DENND4A: variants seen among roughly 807,000 people sequenced by gnomAD.
DENND4A encodes the protein DENN domain containing 4A.
In DENND4A, 70 loss-of-function variants were observed where a neutral mutation model predicts 199.3. The ratio of observed to expected loss-of-function variants is 0.35; its 90% CI spans 0.29 to 0.43. DENND4A has a LOEUF of 0.43. DENND4A is among the 20% of genes least tolerant of loss of function. DENND4A has a pLI of 1.00. For missense variants in DENND4A, 1,723 were observed against 2,255.8 expected (o/e 0.76, Z 4.78); for synonymous variants, 686 against 766.9 (o/e 0.89, Z 1.74).
At chr15:65,703,679 A>T (rs2074948741) in intron 15 of DENND4A, among the ~76,000 whole-genome samples, 1 of 152,238 alleles carries the variant, frequency 6.6e-6, no homozygotes, top group Non-Finnish European at 1.5e-5. Context: ...CAAAGCTAGC[A>T]GCTAGGCTGG....
intron 23 of DENND4A, among the ~76,000 whole-genome samples, chr15:65,688,072 G>A (rs550177755): frequency 6.6e-6 from 1 of 151,988 alleles, no homozygotes; most frequent in South Asian, 2.1e-4. Context: ...AGTCCCTGAG[G>A]CTGTTTATTT....
At chr15:65,684,717 C>T (rs559017962) in intron 23 of DENND4A, among the ~76,000 whole-genome samples, 3 of 151,936 alleles carry the variant, frequency 2.0e-5, no homozygotes, top group African/African-American at 7.2e-5. Flanking sequence ...TAATGCCTAA[C>T]TTATCAATTT....
At chr15:65,733,581 T>C (rs1431646588) in intron 7 of DENND4A, among the ~76,000 whole-genome samples, 4 of 152,172 alleles carry the variant, frequency 2.6e-5, no homozygotes, top group Non-Finnish European at 5.9e-5. Flanking sequence ...CTGTTTACTA[T>C]ATAAAAACAC....
rs757136352 is a variant in DENND4A at position 65,691,426 on chromosome 15, T to A, written c.3168A>T (p.Arg1056Ser). The A allele has an allele frequency of 3.4e-5, 55 of 1,613,450 alleles. No homozygotes were observed. The highest frequency in any genetic ancestry group is 4.4e-5 in the Non-Finnish European group (52 of 1,179,716). ...RNIQSRCFRK[R>S]HKSDNETNLQ... Reference sequence around the variant, plus strand: ...AATTAGTTTCATTGTCACTTTTATGTCTTTTCCTGAAGCATCTACTTTGAA... The same window carrying A: ...AATTAGTTTCATTGTCACTTTTATGACTTTTCCTGAAGCATCTACTTTGAA... Residue 1056 changes from arginine (R) to serine (S), a missense_variant, in exon 23 of 33, where the codon AGA (arginine) becomes AGT (serine). Transcript: ENST00000443035.
At chr15:65,706,277 G>T in intron 14 of DENND4A, 53 bp from the exon 15 acceptor site, 1 of 1,418,138 alleles carries the variant, frequency 7.1e-7, no homozygotes, top group Middle Eastern at 2.2e-4. Flanking sequence ...TTAGCCAAGT[G>T]TTCATATAAA....
At chr15:65,701,671 G>T in intron 18 of DENND4A, 91 bp downstream of exon 18, 1 of 1,196,188 alleles carries the variant, frequency 8.4e-7, no homozygotes, top group Non-Finnish European at 1.2e-6. Flanking sequence ...TAAAATAAAT[G>T]CCAAATAACC....
At chr15:65,733,044 A>T (rs2076007814) in intron 7 of DENND4A, among the ~76,000 whole-genome samples, 1 of 152,186 alleles carries the variant, frequency 6.6e-6, no homozygotes, top group Non-Finnish European at 1.5e-5. Flanking sequence ...ACATTCAACA[A>T]TATTTGTTAT....
intron 24 of DENND4A, among the ~76,000 whole-genome samples, chr15:65,674,573 T>G (rs569765783): frequency 1.3e-5 from 2 of 152,128 alleles, no homozygotes; most frequent in South Asian, 2.1e-4. Context: ...GACCAGCCTG[T>G]GAGATCCCAT....
chr15:65,737,773 A>C lies in DENND4A; in HGVS notation c.974T>G (p.Phe325Cys). 6.3e-7 allele frequency: 1 copy of C among 1,593,714 alleles called. No individual in the cohort carries two copies. The highest frequency in any genetic ancestry group is 8.6e-7 in the Non-Finnish European group (1 of 1,169,486). The change falls in exon 7 of 33, where the codon TTC becomes TGC. Residue 325 changes from phenylalanine to cysteine, a missense_variant. By Grantham distance (205) the Phe-to-Cys change is radical. Coordinates refer to ENST00000443035, the MANE Select transcript of DENND4A (RefSeq NM_001320835.1). ...LLSHWPFFDA[F>C]RKFLTFLYRY... ...ATACAGAAAAGTCAGAAACTTCCTG[A>C]ATGCATCAAAAAAAGGCCAGTGAGA... is the stretch of plus-strand genomic sequence containing the variant.
chr15:65,731,754 A>G lies in DENND4A; in HGVS notation c.1108-54T>C, dbSNP rs2075967023. ...GAAACATAAAGATGAACTTTAAAAC[A>G]CCACTTTCTGTTAAAAATATATAAA... On this transcript the variant is annotated intron_variant, in intron 8 of 32. Coordinates refer to ENST00000443035, the MANE Select transcript of DENND4A (RefSeq NM_001320835.1). 3.3e-6 allele frequency: 4 copies of G among 1,230,212 alleles called. No homozygotes were observed. The South Asian group carries it at 4.2e-5, about 13-fold the overall frequency. The allele number at this position is 1,230,212 out of a possible 1,614,324, so 76.2% of individuals were successfully genotyped here.
chr15:65,730,351 T>C (rs1444100298), intron 9 of DENND4A, among the ~76,000 whole-genome samples: 1 of 152,086 alleles, frequency 6.6e-6, no homozygotes, highest in Non-Finnish European at 1.5e-5. Flanking sequence ...GCTAAACAAC[T>C]AGTTTCACTG....
At chr15:65,719,586 C>T (rs2075541229) in intron 12 of DENND4A, among the ~76,000 whole-genome samples, 1 of 152,056 alleles carries the variant, frequency 6.6e-6, no homozygotes, top group African/African-American at 2.4e-5. Context: ...CTGTGATATT[C>T]CTGTCAAAGA....
At chr15:65,774,848 A>C (rs192801158) in intron 1 of DENND4A, among the ~76,000 whole-genome samples, 1 of 149,528 alleles carries the variant, frequency 6.7e-6, no homozygotes, top group African/African-American at 2.5e-5. Flanking sequence ...GTGGATACTT[A>C]ACAGTTTTAC....
intron 23 of DENND4A, among the ~76,000 whole-genome samples, chr15:65,688,801 A>G (rs1173825864): frequency 6.6e-6 from 1 of 152,014 alleles, no homozygotes; most frequent in African/African-American, 2.4e-5. Flanking sequence ...GAAATGATAA[A>G]CTCATTTCTG....
chr15:65,680,176 C>T (rs2076523349), intron 23 of DENND4A, among the ~76,000 whole-genome samples: 1 of 152,172 alleles, frequency 6.6e-6, no homozygotes, highest in South Asian at 2.1e-4. Context: ...TGCCTGCTCA[C>T]CTGGGCTTCA....
intron 12 of DENND4A, among the ~76,000 whole-genome samples, chr15:65,720,982 T>TATATATATATATATATATATATATATATA (rs71447856): frequency 2.9e-4 from 36 of 123,744 alleles, no homozygotes; most frequent in Non-Finnish European, 4.2e-4. Flanking sequence ...TATATATATA[T>TATATATATATATATATATATATATATATA]TTGTACTTTT....
intron 1 of DENND4A, among the ~76,000 whole-genome samples, chr15:65,775,188 T>A (rs78824271): frequency 0.075 from 10,727 of 142,288 alleles, 386 homozygotes; most frequent in African/African-American, 0.1. Context: ...TACAAAAAAA[T>A]TTTTTTAATT....
At chr15:65,666,791 A>G (rs2076052865) in intron 29 of DENND4A, among the ~76,000 whole-genome samples, 1 of 151,912 alleles carries the variant, frequency 6.6e-6, no homozygotes, top group African/African-American at 2.4e-5. Context: ...AAAAAAAAAA[A>G]AAAAAAAATT....
intron 14 of DENND4A, among the ~76,000 whole-genome samples, chr15:65,706,537 G>A (rs1376124607): frequency 6.8e-6 from 1 of 147,234 alleles, no homozygotes; most frequent in Non-Finnish European, 1.5e-5. Context: ...TTGCTCTATC[G>A]CCAGGATGGA....
Sources: gnomAD v4.1 joint callset for allele counts (sites outside exome capture counted in the v4.1 genomes callset) on GRCh38, gnomAD v4.1.1 for gene constraint, MANE v1.5 for transcripts, NCBI Gene and HGNC (gene_info 2026-07-23, HGNC 2026-07-21) for gene names.